Variants in SALL4 observed in about 807,000 individuals in gnomAD.
SALL4 encodes sal-like protein 4.
In SALL4, 4 loss-of-function variants were observed where a neutral mutation model predicts 60.8. The observed-to-expected ratio is 0.07, with a 90% confidence interval of 0.03 to 0.15. The LOEUF is 0.15. SALL4 is among the 10% of genes least tolerant of loss of function. The pLI is 1.00. For synonymous variants in SALL4, 580 were observed against 574.9 expected (o/e 1.01, Z -0.13); for missense variants, 1,178 against 1,394.7 (o/e 0.84, Z 2.48).
At chr20:51,799,279 G>GA (rs1189470882) in intron 1 of SALL4, among the ~76,000 whole-genome samples, 1 of 151,968 alleles carries the variant, frequency 6.6e-6, no homozygotes, top group East Asian at 1.9e-4. Context: ...CAAAAACTCA[G>GA]AAAAAACAAA....
In SALL4 at chr20:51,784,322, G is replaced by A. The variant is rs555887614; in HGVS notation, c.3105C>T (p.Gly1035=). Reference sequence around the variant, plus strand: ...AGTGAGGAAACTGGTGTTTGGGAACGCCGTCAGTAGCACTTGGTTTTTCCA... The same window carrying A: ...AGTGAGGAAACTGGTGTTTGGGAACACCGTCAGTAGCACTTGGTTTTTCCA... ...ADVEKPSATD[G]VPKHQFPHFL... The change falls in exon 4 of 4, where the codon GGC becomes GGT. Residue 1035 remains glycine (G), a synonymous_variant. Coordinates refer to ENST00000217086, the MANE Select transcript of SALL4 (RefSeq NM_020436.5). 1.1e-4 allele frequency: 174 copies of A among 1,614,158 alleles called. 4 individuals carry two copies. The South Asian group carries it at 1.7e-3, about 15-fold the overall frequency.
intron 1 of SALL4, among the ~76,000 whole-genome samples, chr20:51,796,828 T>C (rs1280680757): frequency 6.6e-6 from 1 of 152,112 alleles, no homozygotes; most frequent in African/African-American, 2.4e-5. Flanking sequence ...TTTAAGTTAT[T>C]TTTCCCTAAT....
intron 3 of SALL4, among the ~76,000 whole-genome samples, chr20:51,785,036 C>G (rs2077982055): frequency 6.6e-6 from 1 of 152,130 alleles, no homozygotes. Flanking sequence ...GGCACGGTGG[C>G]TCACGCCTGT....
At chr20:51,793,468 A>G (rs1167501448) in intron 1 of SALL4, among the ~76,000 whole-genome samples, 1 of 152,168 alleles carries the variant, frequency 6.6e-6, no homozygotes, top group Admixed American at 6.5e-5. Context: ...CTGGAAAAAA[A>G]AAGTACAAAT....
chr20:51,785,668 G>C (rs1014322868), intron 3 of SALL4, among the ~76,000 whole-genome samples: 7 of 152,020 alleles, frequency 4.6e-5, no homozygotes, highest in African/African-American at 1.7e-4. Flanking sequence ...TTTTGAGACG[G>C]AGTCTCGCTC....
At position 51,792,158 on chromosome 20, in the gene SALL4, G is replaced by A. The variant is rs769846839; in HGVS notation, c.325C>T (p.Pro109Ser). 2.5e-6 allele frequency: 4 copies of A among 1,614,184 alleles called. No homozygotes were observed. In the South Asian group the frequency reaches 4.4e-5, roughly 18 times the overall value. ...PVLIMNDSEGPVPSEDFSGAV... is the reference protein window; with the variant it reads ...PVLIMNDSEGSVPSEDFSGAV... ...CCGGAGAAGTCTTCTGAAGGCACAGGCCCCTCGCTGTCATTCATGATGAGG... is the reference window on the plus strand; with the variant it reads ...CCGGAGAAGTCTTCTGAAGGCACAGACCCCTCGCTGTCATTCATGATGAGG... The change falls in exon 2 of 4, where the codon CCT (proline) becomes TCT (serine). Residue 109 changes from proline (P) to serine (S), a missense_variant. Physicochemically the swap from Pro to Ser is moderately conservative, Grantham distance 74. This residue lies in a region of SALL4 where 853 missense variants were observed against 1,036.8 expected (regional missense o/e 0.82). Transcript: ENST00000217086.
intron 1 of SALL4, chr20:51,792,915 A>G (rs2078058188): frequency 3.0e-6 from 3 of 997,930 alleles, no homozygotes; most frequent in Middle Eastern, 5.2e-4. Context: ...CATCATCAAG[A>G]TATCAATGGA....
At chr20:51,792,953 A>G (rs2078058452) in intron 1 of SALL4, 1 of 993,842 alleles carries the variant, frequency 1.0e-6, no homozygotes, top group Non-Finnish European at 1.2e-6. Context: ...AAAGACAGGC[A>G]TATCTCAGAC....
rs758388167 is a variant in SALL4 at position 51,782,426 on chromosome 20, G to A, written c.*1839C>T. The A allele has an allele frequency of 6.6e-6, 1 of 151,940 alleles. No homozygotes were observed. Among genetic ancestry groups the A allele is most frequent in the Non-Finnish European group, 1.5e-5 (1 of 68,002 alleles). 9.4% of individuals were successfully genotyped at this position (151,940 alleles called of 1,614,324 possible). On this transcript the variant is annotated 3_prime_UTR_variant, in exon 4 of 4. Transcript: ENST00000217086. ...TTCTCCGTAGATCATACATTCACAA[G>A]GCATTATTAGCTCAACAGTGAGAAA...
intron 3 of SALL4, among the ~76,000 whole-genome samples, chr20:51,786,897 C>A (rs972595929): frequency 6.6e-6 from 1 of 151,836 alleles, no homozygotes; most frequent in Non-Finnish European, 1.5e-5. Flanking sequence ...GAGTTTGAGA[C>A]GAGCCTGGCC....
rs532124244 is a variant in SALL4, at chr20:51,783,187, C to G, written c.*1078G>C. ...GCAAACTAAGTCACCTGAGATTCCC[C>G]GCTCAGGTGCCCACCTCTTCTGGGA... is the stretch of plus-strand genomic sequence containing the variant. On this transcript the variant is annotated 3_prime_UTR_variant, in exon 4 of 4. Transcript: ENST00000217086. 2.0e-5 allele frequency: 3 copies of G among 152,064 alleles called. No individual in the cohort carries two copies. The highest frequency in any genetic ancestry group is 7.2e-5 in the African/African-American group (3 of 41,390). The allele number at this position is 152,064 out of a possible 1,614,324, so 9.4% of individuals were successfully genotyped here. A position where few individuals can be genotyped will look rare whatever the true frequency, so the allele number is the denominator to read the frequency against.
Position 51,791,014 on chromosome 20 carries a change from G to T in SALL4, c.1469C>A (p.Ser490Tyr). ...GAGGTCCTTGGGATTAGTCCCCGAAGAAAGATTCTGAGGTAGCCCTACAGA... is the reference window on the plus strand; with the variant it reads ...GAGGTCCTTGGGATTAGTCCCCGAATAAAGATTCTGAGGTAGCCCTACAGA... ...TTSVGLPQNL[S>Y]SGTNPKDLTG... The change falls in exon 2 of 4, where the codon TCT becomes TAT. Residue 490 changes from serine to tyrosine, a missense_variant. This residue lies in a region of SALL4 where 853 missense variants were observed against 1,036.8 expected (regional missense o/e 0.82). Transcript: ENST00000217086. This position sits in a 1 kb window ranked among gnomAD's most constrained non-coding sequence, Gnocchi z 4.6. The T allele has an allele frequency of 1.9e-6, 3 of 1,614,204 alleles. No individual in the cohort carries two copies. Among genetic ancestry groups the T allele is most frequent in the Non-Finnish European group, 2.5e-6 (3 of 1,180,034 alleles).
At chr20:51,800,011 A>G (rs1029769974) in intron 1 of SALL4, among the ~76,000 whole-genome samples, 1 of 152,194 alleles carries the variant, frequency 6.6e-6, no homozygotes, top group African/African-American at 2.4e-5. Context: ...AGGCAGCTCA[A>G]ATGCAAACAA....
chr20:51,782,461 G>GGATAT lies in SALL4; in HGVS notation c.*1803_*1804insATATC, dbSNP rs1211696119. 1.4e-5 allele frequency: 2 copies of GGATAT among 141,172 alleles called. No homozygotes were observed. Among genetic ancestry groups the GGATAT allele is most frequent in the African/African-American group, 2.7e-5 (1 of 37,264 alleles). The allele number at this position is 141,172 out of a possible 1,614,324, so 8.7% of individuals were successfully genotyped here. On this transcript the variant is annotated 3_prime_UTR_variant, in exon 4 of 4. Transcript: ENST00000217086. ...GCTCAACAGTGAGAAAGCCACTGGT[G>GGATAT]TGTTTTCTGTAACAATATCCACTTC...
Position 51,789,912 on chromosome 20 carries a change from T to C in SALL4, c.2461+110A>G. 2.2e-6 allele frequency: 3 copies of C among 1,353,026 alleles called. No homozygotes were observed. In the South Asian group the frequency reaches 3.6e-5, roughly 16 times the overall value. 83.8% of individuals were successfully genotyped at this position (1,353,026 alleles called of 1,614,324 possible). ...AAGTAAAGAAAAGCTAATTGCCCTA[T>C]AGAAGGGGCTGCTTCAAGTCATACT... On this transcript the variant is annotated intron_variant, in intron 2 of 3. Transcript: ENST00000217086.
chr20:51,786,121 C>A (rs1456318107), intron 3 of SALL4, among the ~76,000 whole-genome samples: 3 of 146,276 alleles, frequency 2.1e-5, no homozygotes, highest in Non-Finnish European at 4.5e-5. Context: ...GAGTCTCGCT[C>A]TGTCGCCCAG....
intron 3 of SALL4, among the ~76,000 whole-genome samples, chr20:51,786,256 A>G (rs78324764): frequency 0.3 from 45,739 of 151,018 alleles, 7,701 homozygotes; most frequent in East Asian, 0.58. Flanking sequence ...CGCCCGGCTA[A>G]TTTTTTCTAT....
chr20:51,789,904 T>C, intron 2 of SALL4, 118 bp downstream of exon 2: 2 of 1,218,364 alleles, frequency 1.6e-6, no homozygotes, highest in African/African-American at 1.5e-5. Flanking sequence ...GAAAAGCTAA[T>C]TGCCCTATAG....
rs1312157589 is a variant in SALL4, at chr20:51,782,460, T to C, written c.*1805A>G. ...AGCTCAACAGTGAGAAAGCCACTGG[T>C]GTGTTTTCTGTAACAATATCCACTT... On this transcript the variant is annotated 3_prime_UTR_variant, in exon 4 of 4. Transcript: ENST00000217086. 1 of 151,084 alleles carries C rather than the reference T, an allele frequency of 6.6e-6. No individual in the cohort carries two copies. The highest frequency in any genetic ancestry group is 1.5e-5 in the Non-Finnish European group (1 of 67,956). 9.4% of individuals were successfully genotyped at this position (151,084 alleles called of 1,614,324 possible).
Sources: allele counts gnomAD v4.1 joint callset (sites outside exome capture counted in the v4.1 genomes callset), GRCh38; gene constraint gnomAD v4.1.1; regional missense constraint gnomAD v4.1.1; non-coding constraint Gnocchi (gnomAD v3.1); transcripts MANE v1.5; gene names NCBI Gene and HGNC (gene_info 2026-07-23, HGNC 2026-07-21).